Variants in PPP2R5A observed in about 807,000 individuals in gnomAD.
PPP2R5A encodes the protein serine/threonine-protein phosphatase 2A 56 kDa regulatory subunit alpha isoform.
Under a neutral mutation model 64.2 loss-of-function variants are expected in PPP2R5A, and 25 were observed. The observed-to-expected ratio is 0.39, with a 90% CI of 0.28 to 0.54. PPP2R5A has a LOEUF of 0.54. PPP2R5A is among the 20% of genes least tolerant of loss of function. PPP2R5A has a pLI of 0.67. For missense variants in PPP2R5A, 425 were observed against 576.3 expected (o/e 0.74, Z 2.69); for synonymous variants, 198 against 201.2 (o/e 0.98, Z 0.13).
intron 12 of PPP2R5A, among the ~76,000 whole-genome samples, chr1:212,359,871 T>G (rs1270325680): frequency 1.3e-5 from 2 of 152,184 alleles, no homozygotes; most frequent in African/African-American, 4.8e-5. Flanking sequence ...CATAGGAAAC[T>G]TGTATTTGAA....
rs779904784 is a variant in PPP2R5A, at chr1:212,342,181, C to T, written c.481-7C>T. 1.6e-5 allele frequency: 26 copies of T among 1,612,280 alleles called. No individual in the cohort carries two copies. The highest frequency in any genetic ancestry group is 2.5e-6 in the Non-Finnish European group (3 of 1,179,224). On this transcript the variant is annotated splice_region_variant and splice_polypyrimidine_tract_variant and intron_variant, in intron 3 of 12. Coordinates refer to ENST00000261461, the MANE Select transcript of PPP2R5A (RefSeq NM_006243.4). ...CATCTTAGCCTTTATTTGACTTTCT[C>T]TCATAGTTGGTATATGAATTCTTCT... is the stretch of plus-strand genomic sequence containing the variant.
rs1023611534 is a variant in PPP2R5A at position 212,285,737 on chromosome 1, G to A, written c.-374G>A. On this transcript the variant is annotated 5_prime_UTR_variant, in exon 1 of 13. Coordinates refer to ENST00000261461, the MANE Select transcript of PPP2R5A (RefSeq NM_006243.4). ...GCTGGCTGGCGACGGGGGCAGAAGC[G>A]ACGAGAGGCGCGCTCGGCACCCGCA... is the stretch of plus-strand genomic sequence containing the variant. 1.9e-4 allele frequency: 33 copies of A among 173,992 alleles called. No individual in the cohort carries two copies. Among genetic ancestry groups the A allele is most frequent in the African/African-American group, 7.3e-4 (31 of 42,292 alleles). The allele number at this position is 173,992 out of a possible 1,614,324, so 10.8% of individuals were successfully genotyped here. A position where few individuals can be genotyped will look rare whatever the true frequency, so the allele number is the denominator to read the frequency against.
At chr1:212,312,087 T>A (rs1659044729) in intron 1 of PPP2R5A, among the ~76,000 whole-genome samples, 1 of 152,200 alleles carries the variant, frequency 6.6e-6, no homozygotes, top group East Asian at 1.9e-4. Flanking sequence ...TAGACAGATG[T>A]GCCATTTTTA....
intron 1 of PPP2R5A, among the ~76,000 whole-genome samples, chr1:212,323,438 T>A (rs909211723): frequency 4.6e-5 from 7 of 152,256 alleles, no homozygotes; most frequent in Non-Finnish European, 8.8e-5. Context: ...AGACATTATA[T>A]ACTTAATGGG....
intron 1 of PPP2R5A, among the ~76,000 whole-genome samples, chr1:212,300,167 A>G (rs990157842): frequency 1.3e-5 from 2 of 152,102 alleles, no homozygotes; most frequent in Non-Finnish European, 2.9e-5. Flanking sequence ...CTCAGCCTTC[A>G]CCTAGCTGCC....
intron 1 of PPP2R5A, among the ~76,000 whole-genome samples, chr1:212,298,806 T>C (rs1658741698): frequency 3.4e-5 from 1 of 29,004 alleles, no homozygotes. Flanking sequence ...AGAGGGGTCC[T>C]CACTTCCCAG....
At chr1:212,353,693 C>CA (rs545315163) in intron 8 of PPP2R5A, among the ~76,000 whole-genome samples, 11 of 151,918 alleles carry the variant, frequency 7.2e-5, no homozygotes, top group Non-Finnish European at 1.5e-4. Context: ...CTCCCCCCAC[C>CA]AAAAAAACAA....
chr1:212,325,791 A>T (rs763749767), intron 1 of PPP2R5A, among the ~76,000 whole-genome samples: 20 of 152,202 alleles, frequency 1.3e-4, no homozygotes, highest in Non-Finnish European at 2.6e-4. Context: ...ATTGAGAAGG[A>T]TTCTTATAGC....
intron 1 of PPP2R5A, among the ~76,000 whole-genome samples, chr1:212,321,672 C>G (rs1320283972): frequency 5.5e-5 from 8 of 146,064 alleles, no homozygotes; most frequent in Non-Finnish European, 1.2e-4. Context: ...GATGGGATGG[C>G]GGCCGGGCAG....
intron 1 of PPP2R5A, among the ~76,000 whole-genome samples, chr1:212,303,449 C>T (rs769746579): frequency 1.3e-5 from 2 of 151,572 alleles, no homozygotes; most frequent in Non-Finnish European, 2.9e-5. Context: ...GTCTTTTTAT[C>T]GAGTTGTAAG....
In PPP2R5A at chr1:212,358,753, G is replaced by T. The variant is rs750008940; in HGVS notation, c.1294G>T (p.Asp432Tyr). The change falls in exon 12 of 13, where the codon GAC becomes TAC. Residue 432 changes from aspartate (D) to tyrosine (Y), a missense_variant. Coordinates refer to ENST00000261461, the MANE Select transcript of PPP2R5A (RefSeq NM_006243.4). ...LMEMNGKLFDDLTSSYKAERQ... is the reference protein window; with the variant it reads ...LMEMNGKLFDYLTSSYKAERQ... ...GGAAATGAATGGCAAGCTTTTCGATGACCTTACTAGCTCATACAAAGCTGA... is the reference window on the plus strand; with the variant it reads ...GGAAATGAATGGCAAGCTTTTCGATTACCTTACTAGCTCATACAAAGCTGA... The T allele has an allele frequency of 3.1e-5, 50 of 1,613,344 alleles. No individual in the cohort carries two copies. Among genetic ancestry groups the T allele is most frequent in the Non-Finnish European group, 4.1e-5 (48 of 1,179,604 alleles).
intron 6 of PPP2R5A, 134 bp downstream of exon 6, chr1:212,347,540 G>GT: frequency 1.7e-6 from 1 of 606,060 alleles, no homozygotes; most frequent in Non-Finnish European, 2.7e-6. Flanking sequence ...CTCAACTGAA[G>GT]TCTTTTTTTT....
At position 212,348,470 on chromosome 1, in the gene PPP2R5A, A is replaced by C. The variant is rs2102444610; in HGVS notation, c.846A>C (p.Ala282=). Residue 282 remains alanine (A), a synonymous_variant, in exon 7 of 13, where the codon GCA becomes GCC. Transcript: ENST00000261461. ...AGGTTCTTATTCCTATGCATACTGC[A>C]AAAGGATTAGCTTTGTTTCATGCTC... ...LMKVLIPMHT[A]KGLALFHAQL... The C allele has an allele frequency of 6.2e-7, 1 of 1,601,514 alleles. No homozygotes were observed. The highest frequency in any genetic ancestry group is 8.5e-7 in the Non-Finnish European group (1 of 1,170,290).
chr1:212,321,617 A>T (rs1659296148), intron 1 of PPP2R5A, among the ~76,000 whole-genome samples: 1 of 143,374 alleles, frequency 7.0e-6, no homozygotes, highest in East Asian at 2.0e-4. Context: ...TGCTCCCCAC[A>T]TCTCAGACGA....
Position 212,348,382 on chromosome 1 carries a change from C to T in PPP2R5A, c.765-7C>T, listed in dbSNP as rs368213892. 6.4e-7 allele frequency: 1 copy of T among 1,574,410 alleles called. No individual in the cohort carries two copies. Among genetic ancestry groups the T allele is most frequent in the Non-Finnish European group, 8.7e-7 (1 of 1,146,892 alleles). On this transcript the variant is annotated splice_region_variant and splice_polypyrimidine_tract_variant and intron_variant, in intron 6 of 12. Transcript: ENST00000261461. ...TTAACCCTTCCCCTGCCTTTTTTTCCCTCCAGTATTATCAATGGCTTTGCA... is the reference window on the plus strand; with the variant it reads ...TTAACCCTTCCCCTGCCTTTTTTTCTCTCCAGTATTATCAATGGCTTTGCA...
Position 212,294,390 on chromosome 1 carries a change from A to T in PPP2R5A, c.181+8099A>T, listed in dbSNP as rs146247732. Among the ~76,000 whole-genome samples, 140 of 152,356 alleles carry T rather than the reference A, an allele frequency of 9.2e-4. 2 individuals carry two copies. The highest frequency in any genetic ancestry group is 3.2e-3 in the African/African-American group (135 of 41,594). On this transcript the variant is annotated intron_variant, in intron 1 of 12. Coordinates refer to ENST00000261461, the MANE Select transcript of PPP2R5A (RefSeq NM_006243.4). ...TTCAGACAGGCTTTTCTGAAGAAAA[A>T]TATCTATTGAAGTTAAAAGTAAAAT...
chr1:212,324,577 G>A (rs1659373612), intron 1 of PPP2R5A, among the ~76,000 whole-genome samples: 1 of 151,188 alleles, frequency 6.6e-6, no homozygotes, highest in Non-Finnish European at 1.5e-5. Flanking sequence ...AAGGTAGATT[G>A]TTGATAAAAA....
intron 1 of PPP2R5A, among the ~76,000 whole-genome samples, chr1:212,288,296 G>A (rs1325860669): frequency 2.0e-5 from 3 of 152,154 alleles, no homozygotes; most frequent in African/African-American, 7.2e-5. Context: ...GATTACAGGC[G>A]TGAGCCACCG....
intron 1 of PPP2R5A, among the ~76,000 whole-genome samples, chr1:212,290,502 C>G (rs951273552): frequency 6.6e-6 from 1 of 152,094 alleles, no homozygotes; most frequent in Admixed American, 6.5e-5. Context: ...GATATCTCTT[C>G]TGGAAGATTT....
Sources: gnomAD v4.1 joint callset for allele counts (sites outside exome capture counted in the v4.1 genomes callset) on GRCh38, gnomAD v4.1.1 for gene constraint, MANE v1.5 for transcripts, NCBI Gene and HGNC (gene_info 2026-07-23, HGNC 2026-07-21) for gene names.